Variants in ANKRD29 observed in about 807,000 individuals in gnomAD.
The protein encoded by ANKRD29 is ankyrin repeat domain 29.
A neutral mutation model predicts 38.0 loss-of-function variants in ANKRD29; 32 were observed. The ratio of observed to expected loss-of-function variants is 0.84; its 90% CI spans 0.64 to 1.13. The LOEUF (loss-of-function observed/expected upper bound fraction) is 1.13, where lower values mean the gene tolerates loss of function less well. Ranked by LOEUF, ANKRD29 falls within the 50% of genes most tolerant of loss-of-function variation. The pLI, the probability that ANKRD29 is intolerant of heterozygous loss-of-function variation, is 0.00. For synonymous variants in ANKRD29, 135 were observed against 152.4 expected (o/e 0.89, Z 0.84); for missense variants, 357 against 377.9 (o/e 0.94, Z 0.46).
rs575239402 is a variant in ANKRD29, at chr18:23,613,544, G to T, written c.724-1354C>A. 2.0e-5 allele frequency among the ~76,000 whole-genome samples: 3 copies of T among 151,934 alleles called. No individual in the cohort carries two copies. The South Asian group carries it at 6.2e-4, about 32-fold the overall frequency. Reference sequence around the variant, plus strand: ...TTTTGCAAAGTTCAAGCTTTCTAAAGCTTGTTCCTTTTATTCATAGAATTC... The same window carrying T: ...TTTTGCAAAGTTCAAGCTTTCTAAATCTTGTTCCTTTTATTCATAGAATTC... On this transcript the variant is annotated intron_variant, in intron 8 of 9. Coordinates refer to ENST00000592179, the MANE Select transcript of ANKRD29 (RefSeq NM_173505.4).
Position 23,652,037 on chromosome 18 carries a change from G to A in ANKRD29, c.22-2844C>T, listed in dbSNP as rs1057407797. Among the ~76,000 whole-genome samples the A allele has an allele frequency of 5.9e-5, 9 of 152,168 alleles. No homozygotes were observed. In the East Asian group the frequency reaches 1.2e-3, roughly 20 times the overall value. On this transcript the variant is annotated intron_variant, in intron 1 of 9. Transcript: ENST00000592179. ...TTCTTGAAGATTGGAAACACCGTACGAAGGACAGGCTTTGGAAAAAAATGA... is the reference window on the plus strand; with the variant it reads ...TTCTTGAAGATTGGAAACACCGTACAAAGGACAGGCTTTGGAAAAAAATGA...
At chr18:23,662,127 A>C (rs2060370799) in intron 1 of ANKRD29, among the ~76,000 whole-genome samples, 1 of 152,154 alleles carries the variant, frequency 6.6e-6, no homozygotes, top group Non-Finnish European at 1.5e-5. Flanking sequence ...GCACATTTGA[A>C]CTGTTTAATA....
chr18:23,645,886 A>G (rs189461268), intron 3 of ANKRD29, among the ~76,000 whole-genome samples: 162 of 152,284 alleles, frequency 1.1e-3, no homozygotes, highest in Admixed American at 2.0e-3. Flanking sequence ...TAAATCCTAC[A>G]GTATCTCATC....
chr18:23,640,830 A>T (rs974493787), intron 3 of ANKRD29, among the ~76,000 whole-genome samples: 3 of 152,208 alleles, frequency 2.0e-5, no homozygotes. Flanking sequence ...GTGAAAAGAA[A>T]TCCCTTTTTC....
chr18:23,631,067 C>A (rs576355967), intron 5 of ANKRD29, among the ~76,000 whole-genome samples: 4 of 151,674 alleles, frequency 2.6e-5, no homozygotes, highest in African/African-American at 9.7e-5. Flanking sequence ...GTCCCCTTAT[C>A]CTTGTTCCCC....
intron 6 of ANKRD29, among the ~76,000 whole-genome samples, chr18:23,625,319 A>G (rs1029930528): frequency 2.6e-5 from 4 of 152,118 alleles, no homozygotes; most frequent in Non-Finnish European, 5.9e-5. Context: ...GTCAAGGGTG[A>G]TGGGACTGAG....
At chr18:23,633,454 G>T (rs553244701) in intron 5 of ANKRD29, among the ~76,000 whole-genome samples, 1 of 152,126 alleles carries the variant, frequency 6.6e-6, no homozygotes, top group Non-Finnish European at 1.5e-5. Context: ...AGTTTGTCAT[G>T]GTACGAATAA....
At chr18:23,621,208 G>C (rs1270298201) in intron 6 of ANKRD29, among the ~76,000 whole-genome samples, 1 of 152,198 alleles carries the variant, frequency 6.6e-6, no homozygotes, top group African/African-American at 2.4e-5. Context: ...TACCCATCGG[G>C]GGAAGGGGGG....
intron 3 of ANKRD29, among the ~76,000 whole-genome samples, chr18:23,645,561 G>A (rs543771864): frequency 7.2e-5 from 11 of 152,232 alleles, no homozygotes; most frequent in South Asian, 2.1e-4. Context: ...GCCACAGGGC[G>A]AGACTCCATC....
rs3083465 is a variant in ANKRD29, at chr18:23,637,994, C to CTTTTTTTTTT, written c.330+845_330+854dup. On this transcript the variant is annotated intron_variant, in intron 4 of 9. Transcript: ENST00000592179. ...TGTCAAAAATGAAAATCAATTACTT[C>CTTTTTTTTTT]TTTTTTTTTTTTTTTTTTTTTGAGA... Among the ~76,000 whole-genome samples, 66 of 98,060 alleles carry CTTTTTTTTTT rather than the reference C, an allele frequency of 6.7e-4. 4 individuals carry two copies. The highest frequency in any genetic ancestry group is 2.5e-3 in the African/African-American group (61 of 24,546). 64.3% of individuals were successfully genotyped at this position (98,060 alleles called of 152,430 possible). A position where few individuals can be genotyped will look rare whatever the true frequency, so the allele number is the denominator to read the frequency against.
intron 6 of ANKRD29, among the ~76,000 whole-genome samples, chr18:23,621,878 C>T (rs2059801464): frequency 6.6e-6 from 1 of 151,870 alleles, no homozygotes; most frequent in Non-Finnish European, 1.5e-5. Flanking sequence ...GAGATGGGGC[C>T]TTGCTTTGTT....
intron 1 of ANKRD29, among the ~76,000 whole-genome samples, chr18:23,655,985 C>CG (rs1171264690): frequency 4.1e-5 from 6 of 146,044 alleles, no homozygotes; most frequent in African/African-American, 1.5e-4. Flanking sequence ...CCCAGCTACT[C>CG]GGGAGGCTGA....
chr18:23,653,931 C>T (rs533051471), intron 1 of ANKRD29, among the ~76,000 whole-genome samples: 1 of 150,124 alleles, frequency 6.7e-6, no homozygotes, highest in Admixed American at 6.7e-5. Flanking sequence ...CAAGGTCACG[C>T]AGTAAGGATC....
chr18:23,637,757 T>G (rs976963558), intron 4 of ANKRD29, among the ~76,000 whole-genome samples: 2 of 152,096 alleles, frequency 1.3e-5, no homozygotes, highest in Non-Finnish European at 2.9e-5. Flanking sequence ...GATATCTAAA[T>G]AGTCCACAAA....
intron 2 of ANKRD29, 148 bp downstream of exon 2, chr18:23,648,935 A>T: frequency 1.5e-6 from 1 of 657,962 alleles, no homozygotes; most frequent in Non-Finnish European, 2.6e-6. Flanking sequence ...AGTTCACCAC[A>T]GTACCTTGGA....
chr18:23,611,945 A>T, intron 9 of ANKRD29, 147 bp downstream of exon 9: 1 of 627,364 alleles, frequency 1.6e-6, no homozygotes, highest in Non-Finnish European at 2.8e-6. Flanking sequence ...TGTACTGCTC[A>T]CTAATCACCT....
intron 3 of ANKRD29, among the ~76,000 whole-genome samples, chr18:23,642,323 G>T (rs879876156): frequency 1.9e-4 from 29 of 152,004 alleles, no homozygotes; most frequent in Non-Finnish European, 3.8e-4. Context: ...CCTCTTTGGG[G>T]CTCTGCGGTT....
intron 9 of ANKRD29, among the ~76,000 whole-genome samples, chr18:23,608,692 T>C (rs1280760518): frequency 6.6e-6 from 1 of 152,192 alleles, no homozygotes; most frequent in Non-Finnish European, 1.5e-5. Flanking sequence ...TTGCTGGGCA[T>C]AGGTCAGACT....
At position 23,617,769 on chromosome 18, in the gene ANKRD29, T is replaced by C. The variant is rs35406181; in HGVS notation, c.686A>G (p.Glu229Gly). Reference sequence around the variant, plus strand: ...AAGAGTGGGTGAGAATTTAAGCAACTCTTTTATGACATCATTATACCCTTT... The same window carrying C: ...AAGAGTGGGTGAGAATTTAAGCAACCCTTTTATGACATCATTATACCCTTT... ...ANKGYNDVIKELLKFSPTLGI... is the reference protein window; with the variant it reads ...ANKGYNDVIKGLLKFSPTLGI... The change falls in exon 8 of 10, where the codon GAG becomes GGG. Residue 229 changes from glutamate (E) to glycine (G), a missense_variant. By Grantham distance (98) the Glu-to-Gly change is moderately conservative. Transcript: ENST00000592179. 205 of 1,614,106 alleles carry C rather than the reference T, an allele frequency of 1.3e-4. No homozygotes were observed. In the African/African-American group the frequency reaches 1.3e-3, roughly 10 times the overall value.
Sources: gnomAD v4.1 joint callset for allele counts (sites outside exome capture counted in the v4.1 genomes callset) on GRCh38, gnomAD v4.1.1 for gene constraint, MANE v1.5 for transcripts, NCBI Gene and HGNC (gene_info 2026-07-23, HGNC 2026-07-21) for gene names.